The following CEP112 variants were observed in gnomAD, a reference collection of about 807,000 sequenced individuals.
CEP112 encodes the protein centrosomal protein of 112 kDa.
In CEP112, 127 loss-of-function variants were observed where a neutral mutation model predicts 153.0. The observed-to-expected ratio is 0.83, with a 90% confidence interval of 0.72 to 0.96. The LOEUF (loss-of-function observed/expected upper bound fraction) is 0.96. Among genes scored for constraint, CEP112 ranks in the 40% least tolerant of loss-of-function variants. CEP112 has a pLI of 0.00. For missense variants in CEP112, 1,089 were observed against 1,101.2 expected, an observed-to-expected ratio of 0.99 and a Z score of 0.16; for synonymous variants, 358 against 374.4, an observed-to-expected ratio of 0.96 and a Z score of 0.51.
At chr17:65,998,821 T>G (rs369332940) in intron 17 of CEP112, among the ~76,000 whole-genome samples, 2 of 152,180 alleles carry the variant, frequency 1.3e-5, no homozygotes, top group Admixed American at 1.3e-4. Flanking sequence ...ACATGGAAAT[T>G]AAGCATCATG....
intron 18 of CEP112, among the ~76,000 whole-genome samples, chr17:65,939,629 C>T (rs1429412537): frequency 6.6e-6 from 1 of 152,068 alleles, no homozygotes; most frequent in Non-Finnish European, 1.5e-5. Flanking sequence ...CAAAATCACA[C>T]AATAGGAGAA....
At chr17:65,945,016 A>C (rs2061607949) in intron 18 of CEP112, among the ~76,000 whole-genome samples, 1 of 152,254 alleles carries the variant, frequency 6.6e-6, no homozygotes, top group African/African-American at 2.4e-5. Flanking sequence ...CCTCCATGTA[A>C]CTAGCACTCA....
At chr17:65,761,514 T>G (rs2052609724) in intron 21 of CEP112, among the ~76,000 whole-genome samples, 1 of 152,160 alleles carries the variant, frequency 6.6e-6, no homozygotes, top group Non-Finnish European at 1.5e-5. Context: ...TAGATATTTC[T>G]TCTTGTCTCA....
At chr17:66,079,970 A>C (rs35778180) in intron 8 of CEP112, among the ~76,000 whole-genome samples, 60,425 of 152,020 alleles carry the variant, frequency 0.4, 13,569 homozygotes, top group East Asian at 0.88. Flanking sequence ...AGAAAAATGA[A>C]ACTGGACTCC....
intron 20 of CEP112, among the ~76,000 whole-genome samples, chr17:65,896,920 A>C (rs1273167547): frequency 6.6e-6 from 1 of 152,108 alleles, no homozygotes; most frequent in African/African-American, 2.4e-5. Context: ...TCTTTTTACA[A>C]AATTAAAGTG....
chr17:65,647,795 T>A (rs1012663640), intron 24 of CEP112, among the ~76,000 whole-genome samples: 1 of 152,040 alleles, frequency 6.6e-6, no homozygotes, highest in Admixed American at 6.6e-5. Flanking sequence ...TGCTACTGCT[T>A]TTCTATCCCC....
intron 18 of CEP112, among the ~76,000 whole-genome samples, chr17:65,932,156 G>GT (rs1349821099): frequency 6.6e-6 from 1 of 152,180 alleles, no homozygotes; most frequent in Non-Finnish European, 1.5e-5. Flanking sequence ...TCATATAACA[G>GT]GCAGCAGCCC....
chr17:65,706,032 A>C (rs1190662187), intron 23 of CEP112, among the ~76,000 whole-genome samples: 2 of 152,228 alleles, frequency 1.3e-5, no homozygotes, highest in Non-Finnish European at 2.9e-5. Flanking sequence ...AGTAAATGTG[A>C]CCAAATCTTG....
intron 21 of CEP112, among the ~76,000 whole-genome samples, chr17:65,812,299 G>A (rs762141405): frequency 2.6e-5 from 4 of 152,104 alleles, no homozygotes; most frequent in Non-Finnish European, 4.4e-5. Flanking sequence ...CACCGCACCC[G>A]GCCTAAAGAA....
intron 21 of CEP112, among the ~76,000 whole-genome samples, chr17:65,815,796 A>G (rs2056232969): frequency 6.6e-6 from 1 of 152,134 alleles, no homozygotes; most frequent in Non-Finnish European, 1.5e-5. Context: ...CATTCATTGC[A>G]AATACATAAA....
At chr17:65,948,113 C>A (rs931087308) in intron 18 of CEP112, among the ~76,000 whole-genome samples, 5 of 152,094 alleles carry the variant, frequency 3.3e-5, no homozygotes, top group African/African-American at 1.2e-4. Context: ...TAGGATGATA[C>A]ACTAAAACTT....
intron 6 of CEP112, among the ~76,000 whole-genome samples, chr17:66,113,738 GA>G (rs2069160629): frequency 6.6e-6 from 1 of 152,120 alleles, no homozygotes; most frequent in African/African-American, 2.4e-5. Flanking sequence ...AAACAACAGT[GA>G]ATTATGTTGT....
At chr17:65,783,484 A>G (rs531146201) in intron 21 of CEP112, among the ~76,000 whole-genome samples, 3 of 152,228 alleles carry the variant, frequency 2.0e-5, no homozygotes, top group Non-Finnish European at 4.4e-5. Flanking sequence ...AAATACTTGT[A>G]CACAATTTAT....
chr17:65,678,673 G>A (rs1343812927), intron 24 of CEP112, among the ~76,000 whole-genome samples: 1 of 152,112 alleles, frequency 6.6e-6, no homozygotes, highest in Non-Finnish European at 1.5e-5. Context: ...TTCGTCATCC[G>A]TCAGTATTCA....
intron 18 of CEP112, among the ~76,000 whole-genome samples, chr17:65,952,254 G>A (rs2061860389): frequency 2.0e-5 from 3 of 151,996 alleles, no homozygotes; most frequent in Non-Finnish European, 4.4e-5. Context: ...CAGATCCAAA[G>A]GAGCACAGCA....
intron 23 of CEP112, among the ~76,000 whole-genome samples, chr17:65,741,403 C>T (rs1423567985): frequency 6.6e-6 from 1 of 151,742 alleles, no homozygotes; most frequent in Non-Finnish European, 1.5e-5. Context: ...CAAAACTTAG[C>T]TATATCTTAC....
In CEP112 at chr17:65,927,587, G is replaced by T. The variant is rs780181159; in HGVS notation, c.1975C>A (p.Gln659Lys). 1.9e-6 allele frequency: 3 copies of T among 1,579,022 alleles called. No individual in the cohort carries two copies. The highest frequency in any genetic ancestry group is 1.9e-5 in the Admixed American group (1 of 53,416). ...QLEDIRQRYE[Q>K]QIVELKLEHE... ...CATCAAAATGAAAGACCAACCTGTT[G>T]TTCATACCGCTGTCTGATGTCCTCC... Residue 659 changes from glutamine to lysine, a missense_variant, in exon 19 of 27, where the codon CAA (glutamine) becomes AAA (lysine). Gln to Lys is a moderately conservative substitution (Grantham distance 53). Transcript: ENST00000535342.
intron 12 of CEP112, among the ~76,000 whole-genome samples, chr17:66,047,743 T>TA (rs2066273292): frequency 6.6e-6 from 1 of 152,210 alleles, no homozygotes; most frequent in African/African-American, 2.4e-5. Context: ...ACAGCAGAAA[T>TA]ATAAAACTTT....
chr17:65,644,310 G>T, intron 24 of CEP112: 2 of 577,920 alleles, frequency 3.5e-6, no homozygotes, highest in Admixed American at 5.6e-5. Context: ...AGAAGGCCAT[G>T]TTCCATTTGA....
Sources: gnomAD v4.1 joint callset for allele counts (sites outside exome capture counted in the v4.1 genomes callset) on GRCh38, gnomAD v4.1.1 for gene constraint, MANE v1.5 for transcripts, NCBI Gene and HGNC (gene_info 2026-07-23, HGNC 2026-07-21) for gene names.